SNX29: variants seen among roughly 807,000 people sequenced by gnomAD.
SNX29 encodes the protein sorting nexin-29.
In SNX29, 78 loss-of-function variants were observed where a neutral mutation model predicts 102.1. The observed-to-expected ratio is 0.76, with a 90% CI of 0.64 to 0.92. The LOEUF (loss-of-function observed/expected upper bound fraction) is 0.92. SNX29 is among the 40% of genes least tolerant of loss of function. The pLI is 0.00. For missense variants in SNX29, 1,280 were observed against 1,061.7 expected (o/e 1.21, Z -2.86); for synonymous variants, 580 against 414.5 (o/e 1.40, Z -4.85).
At chr16:12,224,404 C>G (rs899881646) in intron 14 of SNX29, among the ~76,000 whole-genome samples, 2 of 152,228 alleles carry the variant, frequency 1.3e-5, no homozygotes, top group Non-Finnish European at 2.9e-5. Flanking sequence ...GACATGGTCA[C>G]TCCCCCTGGG....
At chr16:12,273,806 C>G (rs1596714540) in intron 14 of SNX29, among the ~76,000 whole-genome samples, 1 of 152,228 alleles carries the variant, frequency 6.6e-6, no homozygotes, top group Non-Finnish European at 1.5e-5. Context: ...AAGACCTTCT[C>G]TGGACATTTC....
At chr16:12,064,408 C>T (rs2050923431) in intron 9 of SNX29, among the ~76,000 whole-genome samples, 1 of 152,222 alleles carries the variant, frequency 6.6e-6, no homozygotes, top group Non-Finnish European at 1.5e-5. Context: ...GGTCCCACAC[C>T]CGGCTGTCAG....
intron 16 of SNX29, among the ~76,000 whole-genome samples, chr16:12,382,817 C>T (rs2083219512): frequency 2.0e-5 from 3 of 152,006 alleles, no homozygotes; most frequent in Non-Finnish European, 2.9e-5. Flanking sequence ...CAATCTCTGC[C>T]TTTGTCTTTA....
chr16:12,345,457 CTCTA>C (rs532880274), intron 15 of SNX29, among the ~76,000 whole-genome samples: 10 of 152,298 alleles, frequency 6.6e-5, no homozygotes, highest in Non-Finnish European at 1.5e-4. Context: ...CCAGTGGGAG[CTCTA>C]TCTAGCCGTG....
At chr16:12,232,844 A>G (rs2077811651) in intron 14 of SNX29, among the ~76,000 whole-genome samples, 1 of 152,180 alleles carries the variant, frequency 6.6e-6, no homozygotes, top group Admixed American at 6.5e-5. Flanking sequence ...CTATGGAGAC[A>G]CCTCTGTACT....
chr16:12,239,639 CAAAAAAAAAAAAAAAAAAAAAA>C (rs61024203), intron 14 of SNX29, among the ~76,000 whole-genome samples: 30 of 62,568 alleles, frequency 4.8e-4, no homozygotes, highest in African/African-American at 1.6e-3. Flanking sequence ...CCTGTTTCTA[CAAAAAAAAAAAAAAAAAAAAAA>C]AAAAAAAATT....
chr16:12,262,762 A>G (rs963025701), intron 14 of SNX29, among the ~76,000 whole-genome samples: 3 of 152,218 alleles, frequency 2.0e-5, no homozygotes, highest in African/African-American at 7.2e-5. Flanking sequence ...TTTAATGCAG[A>G]TGGCATTCAC....
At chr16:12,171,655 A>G (rs1433328517) in intron 13 of SNX29, among the ~76,000 whole-genome samples, 2 of 152,266 alleles carry the variant, frequency 1.3e-5, no homozygotes, top group Non-Finnish European at 2.9e-5. Flanking sequence ...CAAGAGCCAC[A>G]GGCAGCCCAG....
At chr16:12,443,618 C>T in intron 18 of SNX29, among the ~76,000 whole-genome samples, 1 of 152,168 alleles carries the variant, frequency 6.6e-6, no homozygotes, top group Non-Finnish European at 1.5e-5. Context: ...GACTGGCTAA[C>T]TTTTGTGTTT....
At chr16:12,440,773 G>A (rs1390558115) in intron 18 of SNX29, among the ~76,000 whole-genome samples, 4 of 152,136 alleles carry the variant, frequency 2.6e-5, no homozygotes, top group Admixed American at 1.3e-4. Flanking sequence ...ACATGATCTC[G>A]TTCTGTTTTT....
intron 13 of SNX29, among the ~76,000 whole-genome samples, chr16:12,161,430 C>G (rs2055781692): frequency 6.6e-6 from 1 of 152,226 alleles, no homozygotes; most frequent in Admixed American, 6.5e-5. Flanking sequence ...TCTCGTCTTC[C>G]TCTCTGCTGG....
At chr16:12,025,302 C>CAAAAA (rs35724715) in intron 3 of SNX29, among the ~76,000 whole-genome samples, 8,609 of 60,112 alleles carry the variant, frequency 0.14, 1,514 homozygotes, top group African/African-American at 0.27. Flanking sequence ...AACTCCATCT[C>CAAAAA]AAAAAAAAAA....
chr16:12,519,207 A>G (rs2089996856), intron 19 of SNX29, among the ~76,000 whole-genome samples: 1 of 152,214 alleles, frequency 6.6e-6, no homozygotes, highest in South Asian at 2.1e-4. Context: ...CATACAAAAC[A>G]TACCTGTGGG....
intron 4 of SNX29, among the ~76,000 whole-genome samples, chr16:12,032,889 A>G (rs1247318365): frequency 2.0e-5 from 3 of 151,890 alleles, no homozygotes; most frequent in African/African-American, 7.2e-5. Context: ...GTGAGATAGA[A>G]TCTCACTTTG....
chr16:12,167,522 C>T (rs1237058760), intron 13 of SNX29, among the ~76,000 whole-genome samples: 4 of 152,176 alleles, frequency 2.6e-5, no homozygotes, highest in Non-Finnish European at 4.4e-5. Context: ...TCATAGTAGC[C>T]ACCATTAATT....
In SNX29 at chr16:12,511,780, C is replaced by T. The variant is rs539835084; in HGVS notation, c.2179-12922C>T. Among the ~76,000 whole-genome samples, 8 of 152,230 alleles carry T rather than the reference C, an allele frequency of 5.3e-5. No homozygotes were observed. In the South Asian group the frequency reaches 1.2e-3, roughly 24 times the overall value. ...CTATGATCTGTCATCCCCCCTCCCCCGCAACTTTAGAGTAAGATCTCGAAA... is the reference window on the plus strand; with the variant it reads ...CTATGATCTGTCATCCCCCCTCCCCTGCAACTTTAGAGTAAGATCTCGAAA... On this transcript the variant is annotated intron_variant, in intron 19 of 20. Transcript: ENST00000566228.
intron 18 of SNX29, among the ~76,000 whole-genome samples, chr16:12,459,540 G>T (rs553373617): frequency 1.6e-4 from 24 of 152,292 alleles, no homozygotes; most frequent in African/African-American, 5.1e-4. Context: ...ACCACTGTTC[G>T]CACGGAGGCT....
intron 20 of SNX29, among the ~76,000 whole-genome samples, chr16:12,553,836 T>G (rs905797222): frequency 6.6e-6 from 1 of 151,708 alleles, no homozygotes; most frequent in Non-Finnish European, 1.5e-5. Context: ...TCCACCCACC[T>G]AGGTCTACCG....
At chr16:12,082,410 C>G (rs2051946851) in intron 11 of SNX29, among the ~76,000 whole-genome samples, 1 of 152,162 alleles carries the variant, frequency 6.6e-6, no homozygotes, top group South Asian at 2.1e-4. Flanking sequence ...CCACATAGAG[C>G]ATGGTGTCTG....
Sources: allele counts gnomAD v4.1 joint callset (sites outside exome capture counted in the v4.1 genomes callset), GRCh38; gene constraint gnomAD v4.1.1; transcripts MANE v1.5; gene names NCBI Gene and HGNC (gene_info 2026-07-23, HGNC 2026-07-21).